MMD: variants seen among roughly 807,000 people sequenced by gnomAD.
MMD encodes the protein monocyte to macrophage differentiation associated.
In MMD, 22 loss-of-function variants were observed where a neutral mutation model predicts 33.6. The observed-to-expected ratio is 0.66, with a 90% CI of 0.47 to 0.94. MMD has a LOEUF of 0.94. Ranked by LOEUF, MMD falls within the 40% of genes least tolerant of loss-of-function variation. The pLI, the probability that MMD is intolerant of heterozygous loss-of-function variation, is 0.00. For missense variants in MMD, 242 were observed against 309.8 expected, an observed-to-expected ratio of 0.78 and a Z score of 1.64; for synonymous variants, 97 against 103.2, an observed-to-expected ratio of 0.94 and a Z score of 0.36.
chr17:55,398,765 C>G (rs563533255), intron 6 of MMD, among the ~76,000 whole-genome samples: 13 of 152,268 alleles, frequency 8.5e-5, no homozygotes, highest in African/African-American at 3.1e-4. Flanking sequence ...TAGAGTAGCT[C>G]TACTCCTAAG....
intron 1 of MMD, among the ~76,000 whole-genome samples, chr17:55,420,859 G>A (rs1282164550): frequency 1.3e-5 from 2 of 152,174 alleles, no homozygotes; most frequent in African/African-American, 2.4e-5. Flanking sequence ...TTAGACGGTG[G>A]AGCCCCAGAG....
chr17:55,417,855 A>ACGT (rs2143162909), intron 1 of MMD, among the ~76,000 whole-genome samples: 1 of 152,246 alleles, frequency 6.6e-6, no homozygotes, highest in East Asian at 1.9e-4. Flanking sequence ...TCCCAGCTTA[A>ACGT]AGTCTGCCTC....
intron 1 of MMD, chr17:55,420,115 A>G (rs1908120352): frequency 6.6e-6 from 1 of 152,212 alleles, no homozygotes; most frequent in Non-Finnish European, 1.5e-5. Flanking sequence ...TAGAGGATCC[A>G]AAGGTATAGG....
At chr17:55,398,124 A>AAAAG (rs1555615076) in intron 6 of MMD, among the ~76,000 whole-genome samples, 9 of 150,918 alleles carry the variant, frequency 6.0e-5, no homozygotes, top group African/African-American at 1.9e-4. Context: ...AAAAAAAAAA[A>AAAAG]AAAAAGAAAA....
intron 3 of MMD, 132 bp downstream of exon 3, chr17:55,411,125 G>C (rs1004157720): frequency 1.0e-6 from 1 of 996,956 alleles, no homozygotes; most frequent in Non-Finnish European, 1.4e-6. Context: ...TAATGGGATA[G>C]TATTCTAGTC....
rs1454648265 is a variant in MMD at position 55,393,908 on chromosome 17, G to GT, written c.*425dup. ...AAGATGAAACATGGTAAAAAGTAGTGTAAGTTCTGTCCATGATTCTTTACC... is the reference window on the plus strand; with the variant it reads ...AAGATGAAACATGGTAAAAAGTAGTGTTAAGTTCTGTCCATGATTCTTTACC... On this transcript the variant is annotated 3_prime_UTR_variant, in exon 7 of 7. Coordinates refer to ENST00000262065, the MANE Select transcript of MMD (RefSeq NM_012329.3). 1 of 153,322 alleles carries GT rather than the reference G, an allele frequency of 6.5e-6. No individual in the cohort carries two copies. The highest frequency in any genetic ancestry group is 1.9e-4 in the East Asian group (1 of 5,214). The allele number at this position is 153,322 out of a possible 1,614,324, so 9.5% of individuals were successfully genotyped here.
intron 6 of MMD, among the ~76,000 whole-genome samples, chr17:55,395,778 A>G (rs550528018): frequency 6.6e-6 from 1 of 152,386 alleles, no homozygotes; most frequent in South Asian, 2.1e-4. Flanking sequence ...AAAAACAAAG[A>G]CAAAATACCA....
At chr17:55,404,583 C>T in intron 4 of MMD, 1 of 985,346 alleles carries the variant, frequency 1.0e-6, no homozygotes, top group Non-Finnish European at 1.2e-6. Context: ...CAGATACCCA[C>T]AGTGGATACC....
At chr17:55,401,585 C>T (rs1907331560) in intron 5 of MMD, 47 bp from the exon 6 acceptor site, 2 of 1,446,952 alleles carry the variant, frequency 1.4e-6, no homozygotes, top group Non-Finnish European at 1.9e-6. Context: ...ATTTCTATAA[C>T]ACCTAACAAT....
intron 5 of MMD, among the ~76,000 whole-genome samples, chr17:55,403,017 T>G (rs919864586): frequency 6.6e-6 from 1 of 152,186 alleles, no homozygotes; most frequent in Non-Finnish European, 1.5e-5. Context: ...GACAAAGATT[T>G]CCTGGTTGTG....
intron 4 of MMD, chr17:55,404,529 A>C (rs1907469298): frequency 6.1e-6 from 6 of 985,368 alleles, no homozygotes; most frequent in Non-Finnish European, 7.2e-6. Context: ...GATTACTTAC[A>C]AACCTTAATG....
intron 4 of MMD, among the ~76,000 whole-genome samples, chr17:55,406,642 A>T (rs980673372): frequency 6.6e-6 from 1 of 152,146 alleles, no homozygotes; most frequent in African/African-American, 2.4e-5. Context: ...ACACTTTGGG[A>T]GGCAGAGGCG....
At chr17:55,400,738 T>A (rs1907296738) in intron 6 of MMD, among the ~76,000 whole-genome samples, 1 of 152,048 alleles carries the variant, frequency 6.6e-6, no homozygotes, top group Non-Finnish European at 1.5e-5. Context: ...GGTAACCAGG[T>A]GGATGGAACC....
intron 2 of MMD, among the ~76,000 whole-genome samples, chr17:55,411,707 T>TA (rs1283849273): frequency 2.7e-5 from 4 of 150,876 alleles, no homozygotes; most frequent in South Asian, 2.1e-4. Context: ...TTTTTTTTTT[T>TA]ATCCTAATTT....
intron 4 of MMD, among the ~76,000 whole-genome samples, chr17:55,406,392 T>A (rs1907544831): frequency 6.6e-6 from 1 of 151,588 alleles, no homozygotes; most frequent in African/African-American, 2.4e-5. Flanking sequence ...AGACTCTGTC[T>A]CAAAAAACCA....
intron 4 of MMD, chr17:55,404,772 C>T (rs1206661323): frequency 1.0e-6 from 1 of 984,992 alleles, no homozygotes; most frequent in Non-Finnish European, 1.2e-6. Flanking sequence ...ATTAAGAATA[C>T]ATGAGAAGTT....
chr17:55,400,210 C>T (rs941336060), intron 6 of MMD, among the ~76,000 whole-genome samples: 1 of 152,062 alleles, frequency 6.6e-6, no homozygotes, highest in African/African-American at 2.4e-5. Context: ...ACTTTTAAAC[C>T]TTTTATAGGT....
intron 4 of MMD, chr17:55,404,655 A>T (rs1327569997): frequency 2.0e-6 from 2 of 985,222 alleles, no homozygotes; most frequent in African/African-American, 3.5e-5. Context: ...GTATGAGAAG[A>T]ATTATTCCTA....
intron 5 of MMD, 151 bp downstream of exon 5, chr17:55,403,616 C>A (rs1598431116): frequency 1.9e-6 from 1 of 516,528 alleles, no homozygotes; most frequent in Non-Finnish European, 3.3e-6. Flanking sequence ...TAATGAATAC[C>A]AAATGGTTTT....
Sources: gnomAD v4.1 joint callset for allele counts (sites outside exome capture counted in the v4.1 genomes callset) on GRCh38, gnomAD v4.1.1 for gene constraint, MANE v1.5 for transcripts, NCBI Gene and HGNC (gene_info 2026-07-23, HGNC 2026-07-21) for gene names.